RPS6KA2: variants seen among roughly 807,000 people sequenced by gnomAD.
RPS6KA2 encodes the protein ribosomal protein S6 kinase alpha-2.
Under a neutral mutation model 91.8 loss-of-function variants are expected in RPS6KA2, and 42 were observed. The observed-to-expected ratio is 0.46, with a 90% CI of 0.36 to 0.59. The LOEUF (loss-of-function observed/expected upper bound fraction) is 0.59, where lower values mean the gene tolerates loss of function less well. Among genes scored for constraint, RPS6KA2 ranks in the 20% least tolerant of loss-of-function variants. The pLI is 0.00. For synonymous variants in RPS6KA2, 414 were observed against 393.6 expected, an observed-to-expected ratio of 1.05 and a Z score of -0.61; for missense variants, 798 against 978.5, an observed-to-expected ratio of 0.82 and a Z score of 2.46.
chr6:166,625,329 C>T (rs1786825546), intron 1 of RPS6KA2, among the ~76,000 whole-genome samples: 1 of 41,888 alleles, frequency 2.4e-5, no homozygotes, highest in South Asian at 1.1e-3. Flanking sequence ...CACCACCCCC[C>T]CACCCCCCCC....
intron 2 of RPS6KA2, among the ~76,000 whole-genome samples, chr6:166,856,902 G>A (rs527259396): frequency 2.0e-4 from 30 of 152,328 alleles, no homozygotes; most frequent in Admixed American, 4.6e-4. Context: ...TTTTCCAGGG[G>A]ATGCAAAGGT....
intron 1 of RPS6KA2, among the ~76,000 whole-genome samples, chr6:166,861,748 C>A (rs1781051558): frequency 6.6e-6 from 1 of 152,174 alleles, no homozygotes. Flanking sequence ...TAATTTAAAG[C>A]CACTTGTTGA....
At chr6:166,414,975 G>A (rs528798491) in intron 19 of RPS6KA2, among the ~76,000 whole-genome samples, 2 of 152,336 alleles carry the variant, frequency 1.3e-5, no homozygotes, top group African/African-American at 4.8e-5. Context: ...TGAGGCAGGA[G>A]AATCACTTGA....
At chr6:166,678,588 A>G (rs529040823) in intron 2 of RPS6KA2, among the ~76,000 whole-genome samples, 8 of 152,326 alleles carry the variant, frequency 5.3e-5, no homozygotes, top group Admixed American at 5.2e-4. Flanking sequence ...TTCCCAACAG[A>G]TAAGATCGTT....
chr6:166,596,199 T>C (rs531511575), intron 1 of RPS6KA2, among the ~76,000 whole-genome samples: 1 of 152,342 alleles, frequency 6.6e-6, no homozygotes, highest in Admixed American at 6.5e-5. Flanking sequence ...GTCCACGTGA[T>C]GATCAAGGAA....
At chr6:166,776,789 C>T (rs1011633460) in intron 2 of RPS6KA2, among the ~76,000 whole-genome samples, 1 of 152,218 alleles carries the variant, frequency 6.6e-6, no homozygotes, top group Non-Finnish European at 1.5e-5. Context: ...GTTTACACCA[C>T]AGTTTGTGCG....
At chr6:166,822,754 AGT>A (rs140027419) in intron 2 of RPS6KA2, among the ~76,000 whole-genome samples, 1,722 of 152,218 alleles carry the variant, frequency 0.011, 10 homozygotes, top group South Asian at 0.029. Context: ...CCCCTAAAGC[AGT>A]GCCTCACACA....
rs922595680 is a variant in RPS6KA2, at chr6:166,790,112, G to GA, written c.123+68087dup. 2.5e-3 allele frequency among the ~76,000 whole-genome samples: 371 copies of GA among 150,876 alleles called. 4 individuals are homozygous for GA. The highest frequency in any genetic ancestry group is 8.3e-3 in the African/African-American group (342 of 41,138). On this transcript the variant is annotated intron_variant, in intron 2 of 21. Coordinates refer to the RPS6KA2 transcript ENST00000503859. ...CAATGGCAAAGAAGTTAAAAACTTTGAAAAAAAAATTAGACGAATGGATAA... is the reference window on the plus strand; with the variant it reads ...CAATGGCAAAGAAGTTAAAAACTTTGAAAAAAAAAATTAGACGAATGGATAA...
At chr6:166,783,672 A>G (rs1167623327) in intron 2 of RPS6KA2, among the ~76,000 whole-genome samples, 5 of 152,132 alleles carry the variant, frequency 3.3e-5, no homozygotes, top group African/African-American at 1.2e-4. Flanking sequence ...CTATGTATAC[A>G]CATGTGCACA....
At chr6:166,591,377 C>T (rs1007113274) in intron 1 of RPS6KA2, among the ~76,000 whole-genome samples, 9 of 152,078 alleles carry the variant, frequency 5.9e-5, no homozygotes, top group Non-Finnish European at 7.4e-5. Context: ...TGATGTGTGC[C>T]CCCCACCCCT....
chr6:166,627,262 G>A, upstream of RPS6KA2: 1 of 1,005,514 alleles, frequency 9.9e-7, no homozygotes, highest in Non-Finnish European at 1.2e-6. Flanking sequence ...ACCAGCGCCG[G>A]CCACGCGCCA....
intron 13 of RPS6KA2, among the ~76,000 whole-genome samples, chr6:166,450,446 AACCACCATGAGG>A (rs1779861635): frequency 7.9e-6 from 1 of 126,482 alleles, no homozygotes; most frequent in Non-Finnish European, 1.7e-5. Flanking sequence ...CCACCACAGG[AACCACCATGAGG>A]ACCACCATGG....
chr6:166,850,110 C>T (rs1334686467), intron 2 of RPS6KA2, among the ~76,000 whole-genome samples: 1 of 152,248 alleles, frequency 6.6e-6, no homozygotes, highest in Non-Finnish European at 1.5e-5. Context: ...AATATGTCTT[C>T]ATGATTCCCT....
At chr6:166,679,843 C>G (rs981497715) in intron 2 of RPS6KA2, among the ~76,000 whole-genome samples, 8 of 152,336 alleles carry the variant, frequency 5.3e-5, no homozygotes, top group Non-Finnish European at 1.0e-4. Context: ...CGGCAAGCCC[C>G]GCACTCAGCG....
chr6:166,544,097 T>C (rs901976821), intron 1 of RPS6KA2, among the ~76,000 whole-genome samples: 8 of 152,264 alleles, frequency 5.3e-5, no homozygotes, highest in Admixed American at 5.2e-4. Context: ...TTGGGTTCCC[T>C]GCTCTAACAC....
At chr6:166,460,201 C>A in intron 11 of RPS6KA2, among the ~76,000 whole-genome samples, 1 of 152,222 alleles carries the variant, frequency 6.6e-6, no homozygotes, top group African/African-American at 2.4e-5. Flanking sequence ...TTCCCATGCC[C>A]CCTCTGGGCC....
intron 1 of RPS6KA2, among the ~76,000 whole-genome samples, chr6:166,590,042 G>T (rs1220205597): frequency 6.6e-6 from 1 of 152,110 alleles, no homozygotes; most frequent in Non-Finnish European, 1.5e-5. Context: ...AAGGGAACTG[G>T]GGGGAATACA....
chr6:166,657,952 C>T (rs1305794101), intron 2 of RPS6KA2, among the ~76,000 whole-genome samples: 3 of 152,120 alleles, frequency 2.0e-5, no homozygotes, highest in South Asian at 2.1e-4. Flanking sequence ...GGCGAGATCT[C>T]GGCTCACCGC....
chr6:166,542,686 C>T (rs1257481910), intron 1 of RPS6KA2, among the ~76,000 whole-genome samples: 1 of 152,188 alleles, frequency 6.6e-6, no homozygotes, highest in Non-Finnish European at 1.5e-5. Context: ...ATTTCAGCAG[C>T]TGCTGGGAGC....
Sources: allele counts gnomAD v4.1 joint callset (sites outside exome capture counted in the v4.1 genomes callset), GRCh38; gene constraint gnomAD v4.1.1; transcripts MANE v1.5; gene names NCBI Gene and HGNC (gene_info 2026-07-23, HGNC 2026-07-21).